TAF12: variants seen among roughly 807,000 people sequenced by gnomAD.
The protein encoded by TAF12 is transcription initiation factor TFIID subunit 12.
Under a neutral mutation model 20.8 loss-of-function variants are expected in TAF12, and 3 were observed. The ratio of observed to expected loss-of-function variants is 0.14; its 90% CI spans 0.07 to 0.37. The LOEUF (loss-of-function observed/expected upper bound fraction) is 0.37, where lower values mean the gene tolerates loss of function less well. Among genes scored for constraint, TAF12 ranks in the 10% least tolerant of loss-of-function variants. The probability of loss-of-function intolerance (pLI) is 1.00; values close to 1 mark genes in which losing one functional copy is unlikely to be tolerated. For synonymous variants in TAF12, 69 were observed against 70.2 expected (o/e 0.98, Z 0.09); for missense variants, 131 against 197.9 (o/e 0.66, Z 2.03).
chr1:28,642,396 CT>C (rs1307221696), intron 1 of TAF12, among the ~76,000 whole-genome samples: 1 of 152,104 alleles, frequency 6.6e-6, no homozygotes, highest in African/African-American at 2.4e-5. Flanking sequence ...AGATCCAAGG[CT>C]TTTAGGAGCT....
chr1:28,617,685 T>C (rs562610029), intron 3 of TAF12, among the ~76,000 whole-genome samples: 9 of 152,166 alleles, frequency 5.9e-5, no homozygotes, highest in Admixed American at 3.9e-4. Flanking sequence ...TCTCCTGACC[T>C]TGTGATCCGC....
intron 2 of TAF12, among the ~76,000 whole-genome samples, chr1:28,620,238 A>C (rs1667170885): frequency 6.7e-6 from 1 of 149,552 alleles, no homozygotes; most frequent in African/African-American, 2.5e-5. Flanking sequence ...GGTTCAGGTG[A>C]TTCTTTTGCC....
intron 3 of TAF12, among the ~76,000 whole-genome samples, chr1:28,614,645 T>C (rs1666970278): frequency 6.7e-6 from 1 of 149,334 alleles, no homozygotes. Flanking sequence ...ACTGAACCAC[T>C]GCACTCCAGC....
chr1:28,648,205 A>G (rs546358116), exon 1 of TAF12: 1 of 985,352 alleles, frequency 1.0e-6, no homozygotes, highest in South Asian at 4.7e-5. Context: ...AGATACCTAC[A>G]GCCGCTGAGA....
At chr1:28,629,470 A>T (rs1355683065) in intron 1 of TAF12, among the ~76,000 whole-genome samples, 1 of 152,006 alleles carries the variant, frequency 6.6e-6, no homozygotes, top group Admixed American at 6.6e-5. Context: ...AGCATCTGGG[A>T]TTACAGGCAC....
At chr1:28,641,888 G>T (rs924610022) in intron 1 of TAF12, among the ~76,000 whole-genome samples, 2 of 151,530 alleles carry the variant, frequency 1.3e-5, no homozygotes, top group Non-Finnish European at 2.9e-5. Flanking sequence ...CATCTCATTT[G>T]CTACGCACAG....
At chr1:28,613,200 G>C in intron 4 of TAF12, 47 bp downstream of exon 4, 1 of 1,513,944 alleles carries the variant, frequency 6.6e-7, no homozygotes, top group South Asian at 1.2e-5. Flanking sequence ...TGGCAGTCCT[G>C]AAGAAGCAGT....
chr1:28,640,069 C>T (rs1385003765), intron 1 of TAF12, among the ~76,000 whole-genome samples: 1 of 152,172 alleles, frequency 6.6e-6, no homozygotes, highest in Non-Finnish European at 1.5e-5. Context: ...TCTCGAACTC[C>T]TGATCTCAGG....
upstream of TAF12, chr1:28,646,463 T>G (rs1248981816): frequency 6.6e-6 from 1 of 152,190 alleles, no homozygotes; most frequent in Non-Finnish European, 1.5e-5. Context: ...CATGTATTAT[T>G]AAAATATATT....
At chr1:28,644,251 G>A (rs1393136963), upstream of TAF12, among the ~76,000 whole-genome samples, 1 of 152,112 alleles carries the variant, frequency 6.6e-6, no homozygotes, top group Non-Finnish European at 1.5e-5. Context: ...AGATTGGTGC[G>A]GCATCCTGCC....
At chr1:28,604,539 C>G (rs1025048946) in intron 5 of TAF12, among the ~76,000 whole-genome samples, 1 of 152,180 alleles carries the variant, frequency 6.6e-6, no homozygotes, top group Non-Finnish European at 1.5e-5. Flanking sequence ...AACTTGGGAG[C>G]ACAAAGTGAC....
chr1:28,612,577 C>CAT (rs916444068), intron 4 of TAF12, among the ~76,000 whole-genome samples: 4 of 135,680 alleles, frequency 2.9e-5, no homozygotes, highest in Non-Finnish European at 4.9e-5. Context: ...CATATATATA[C>CAT]ATATATATAA....
chr1:28,635,458 A>G (rs1667793565), intron 1 of TAF12, among the ~76,000 whole-genome samples: 1 of 150,618 alleles, frequency 6.6e-6, no homozygotes, highest in African/African-American at 2.4e-5. Context: ...GGCGCCTGCC[A>G]CCACACCCGG....
intron 1 of TAF12, among the ~76,000 whole-genome samples, chr1:28,627,111 G>T (rs1179335660): frequency 6.6e-6 from 1 of 152,168 alleles, no homozygotes; most frequent in South Asian, 2.1e-4. Flanking sequence ...TGGAGGCTGG[G>T]TGCAGTGGCT....
At chr1:28,635,543 G>C (rs1355090260) in intron 1 of TAF12, among the ~76,000 whole-genome samples, 1 of 151,274 alleles carries the variant, frequency 6.6e-6, no homozygotes, top group Non-Finnish European at 1.5e-5. Context: ...CTGAACTCAT[G>C]ATCTGCCCAC....
At chr1:28,632,873 T>C (rs1378931691) in intron 1 of TAF12, among the ~76,000 whole-genome samples, 1 of 152,020 alleles carries the variant, frequency 6.6e-6, no homozygotes, top group Admixed American at 6.6e-5. Context: ...TTAAAAAATA[T>C]GTATTTTTTT....
At chr1:28,636,381 G>A (rs1667823271) in intron 1 of TAF12, among the ~76,000 whole-genome samples, 1 of 151,872 alleles carries the variant, frequency 6.6e-6, no homozygotes, top group Non-Finnish European at 1.5e-5. Flanking sequence ...TCAAGGATAT[G>A]AACCATGGTA....
intron 1 of TAF12, among the ~76,000 whole-genome samples, chr1:28,634,560 C>G (rs1308070551): frequency 1.3e-5 from 2 of 151,990 alleles, no homozygotes; most frequent in Non-Finnish European, 2.9e-5. Context: ...GAAAGTCCAC[C>G]CCCCAGTGAT....
intron 1 of TAF12, among the ~76,000 whole-genome samples, chr1:28,634,505 C>A (rs1667752056): frequency 6.6e-6 from 1 of 151,610 alleles, no homozygotes; most frequent in African/African-American, 2.4e-5. Context: ...CTTACTATTA[C>A]CTACTATGTA....
Sources: allele counts gnomAD v4.1 joint callset (sites outside exome capture counted in the v4.1 genomes callset), GRCh38; gene constraint gnomAD v4.1.1; transcripts MANE v1.5; gene names NCBI Gene and HGNC (gene_info 2026-07-23, HGNC 2026-07-21).